Variants in CSMD3 observed in about 807,000 individuals in gnomAD.
CSMD3 encodes CUB and sushi domain-containing protein 3.
A neutral mutation model predicts 435.2 loss-of-function variants in CSMD3; 177 were observed. The observed-to-expected ratio is 0.41, with a 90% confidence interval of 0.36 to 0.46. The LOEUF is 0.46. CSMD3 is among the 20% of genes least tolerant of loss of function. The probability of loss-of-function intolerance (pLI) is 0.34; values close to 1 mark genes in which losing one functional copy is unlikely to be tolerated. For missense variants in CSMD3, 4,265 were observed against 4,504.6 expected (o/e 0.95, Z 1.52); for synonymous variants, 1,656 against 1,520.5 (o/e 1.09, Z -2.07).
intron 1 of CSMD3, among the ~76,000 whole-genome samples, chr8:113,417,909 AAAG>A (rs1221803459): frequency 6.6e-6 from 1 of 152,078 alleles, no homozygotes; most frequent in Non-Finnish European, 1.5e-5. Flanking sequence ...GGAGGATAAA[AAAG>A]AGATAAAATT....
intron 13 of CSMD3, among the ~76,000 whole-genome samples, chr8:112,750,541 A>G (rs2077544352): frequency 6.6e-6 from 1 of 152,072 alleles, no homozygotes; most frequent in African/African-American, 2.4e-5. Context: ...ATGATAGTAA[A>G]ATTTTTAACA....
intron 32 of CSMD3, among the ~76,000 whole-genome samples, chr8:112,410,067 G>T (rs1462669341): frequency 6.6e-6 from 1 of 151,742 alleles, no homozygotes; most frequent in Non-Finnish European, 1.5e-5. Context: ...TCAAATGAAG[G>T]CTATGGACAT....
intron 3 of CSMD3, among the ~76,000 whole-genome samples, chr8:113,265,218 G>T (rs1244565171): frequency 6.6e-6 from 1 of 151,530 alleles, no homozygotes; most frequent in Non-Finnish European, 1.5e-5. Flanking sequence ...TTTTTTGAAG[G>T]TAACCAAGGC....
intron 6 of CSMD3, among the ~76,000 whole-genome samples, chr8:112,991,885 C>A (rs759394201): frequency 2.6e-5 from 4 of 151,802 alleles, no homozygotes; most frequent in African/African-American, 4.8e-5. Context: ...AATCATTTTT[C>A]ACACCACCTC....
chr8:112,931,674 A>T (rs961625843), intron 9 of CSMD3, among the ~76,000 whole-genome samples: 1 of 152,142 alleles, frequency 6.6e-6, no homozygotes, highest in Non-Finnish European at 1.5e-5. Context: ...TGTTGAATAG[A>T]AGAAAATATT....
intron 11 of CSMD3, among the ~76,000 whole-genome samples, chr8:112,837,428 A>G (rs1293540722): frequency 6.6e-6 from 1 of 151,792 alleles, no homozygotes; most frequent in Non-Finnish European, 1.5e-5. Context: ...TCCACAGGAA[A>G]AGCCTGGGAT....
intron 11 of CSMD3, among the ~76,000 whole-genome samples, chr8:112,839,171 C>T (rs1283571692): frequency 4.0e-5 from 6 of 151,664 alleles, no homozygotes; most frequent in African/African-American, 1.5e-4. Flanking sequence ...CTTGCAAGGG[C>T]TCATATTTTA....
chr8:112,291,774 A>C (rs1819784977), intron 55 of CSMD3, 79 bp from the exon 56 acceptor site: 5 of 901,660 alleles, frequency 5.5e-6, no homozygotes, highest in Non-Finnish European at 8.7e-6. Context: ...AGAAATGTAC[A>C]TACTTAGTTT....
At chr8:112,944,723 T>C (rs777634095) in intron 9 of CSMD3, among the ~76,000 whole-genome samples, 25 of 151,526 alleles carry the variant, frequency 1.6e-4, no homozygotes, top group Admixed American at 6.0e-4. Context: ...CAACAGTCCC[T>C]GCTTGCCCTT....
intron 28 of CSMD3, among the ~76,000 whole-genome samples, chr8:112,508,615 G>A (rs7838822): frequency 0.31 from 46,988 of 151,622 alleles, 7,437 homozygotes; most frequent in East Asian, 0.47. Context: ...CTCTGACTTC[G>A]TACCTGGTTC....
In CSMD3 at chr8:112,224,925, G is replaced by T; in HGVS notation, c.10970C>A (p.Ala3657Glu). ...FGFYLYKQRT[A>E]PKTQYTGCSV... ...ACATCCTGTATACTGTGTTTTAGGT[G>T]CAGTCCTGTTGATGAGAACATTGAT... Residue 3657 changes from alanine (A) to glutamate (E), a missense_variant, in exon 71 of 71, where the codon GCA becomes GAA. By Grantham distance (107) the Ala-to-Glu change is moderately radical. Coordinates refer to ENST00000297405, the MANE Select transcript of CSMD3 (RefSeq NM_198123.2). 1.2e-6 allele frequency: 2 copies of T among 1,613,842 alleles called. No homozygotes were observed. Among genetic ancestry groups the T allele is most frequent in the Non-Finnish European group, 8.5e-7 (1 of 1,179,804 alleles).
rs762055310 is a variant in CSMD3, at chr8:112,313,911, T to C, written c.7691A>G (p.Tyr2564Cys). Residue 2564 changes from tyrosine (Y) to cysteine (C), a missense_variant, in exon 49 of 71, where the codon TAT becomes TGT. By Grantham distance (194) the Tyr-to-Cys change is radical. This residue lies in a region of CSMD3 where 3,255 missense variants were observed against 3,380.2 expected (regional missense o/e 0.96). Transcript: ENST00000297405. ...AAGTTATAAGTTTTACATACCTATA[T>C]ATCTTATCCGGAAGCCTTTTTTGTT... is the stretch of plus-strand genomic sequence containing the variant. ...GNNKKGFRIR[Y>C]IAFYCSTPES... is the part of the protein sequence containing the mutation. 3.7e-6 allele frequency: 6 copies of C among 1,609,732 alleles called. No homozygotes were observed. Among genetic ancestry groups the C allele is most frequent in the Non-Finnish European group, 5.1e-6 (6 of 1,176,396 alleles).
intron 13 of CSMD3, among the ~76,000 whole-genome samples, chr8:112,750,126 C>T (rs2077533691): frequency 1.3e-5 from 2 of 151,888 alleles, no homozygotes; most frequent in South Asian, 4.1e-4. Flanking sequence ...AAAAATAAAA[C>T]AAAATCCAAT....
chr8:113,376,776 CA>C, intron 1 of CSMD3: 9 of 1,613,900 alleles, frequency 5.6e-6, no homozygotes, highest in Non-Finnish European at 7.6e-6. Context: ...AGGTTTCCAG[CA>C]AAGGAACCAA....
rs1477910712 is a variant in CSMD3 at position 113,174,405 on chromosome 8, T to A, written c.515-489A>T. Among the ~76,000 whole-genome samples, 42 of 152,106 alleles carry A rather than the reference T, an allele frequency of 2.8e-4. 2 individuals are homozygous for A. The highest frequency in any genetic ancestry group is 2.9e-5 in the Non-Finnish European group (2 of 67,960). ...ATACAGTGGAGTAGTAAATGGACAA[T>A]TTTTAAAGTTAGGGACGGTGAGCTA... On this transcript the variant is annotated intron_variant, in intron 3 of 70. Coordinates refer to ENST00000297405, the MANE Select transcript of CSMD3 (RefSeq NM_198123.2).
chr8:113,244,761 G>T (rs2093258224), intron 3 of CSMD3, among the ~76,000 whole-genome samples: 1 of 152,084 alleles, frequency 6.6e-6, no homozygotes, highest in African/African-American at 2.4e-5. Context: ...ATCTGGACTG[G>T]TTTTTTTCTT....
At chr8:112,351,402 A>G (rs889168413) in intron 39 of CSMD3, among the ~76,000 whole-genome samples, 158 bp from the exon 40 acceptor site, 12 of 152,058 alleles carry the variant, frequency 7.9e-5, no homozygotes, top group Non-Finnish European at 1.8e-4. Context: ...TTAAAGTAAG[A>G]AAGGTGATTA....
At chr8:113,260,909 C>A (rs2093421578) in intron 3 of CSMD3, among the ~76,000 whole-genome samples, 1 of 152,062 alleles carries the variant, frequency 6.6e-6, no homozygotes. Context: ...TGAACTCATT[C>A]TTTTTTATGG....
In CSMD3 at chr8:113,018,851, T is replaced by C. The variant is rs1006840221; in HGVS notation, c.1030+216A>G. 5 of 548,230 alleles carry C rather than the reference T, an allele frequency of 9.1e-6. No homozygotes were observed. The East Asian group carries it at 1.5e-4, about 17-fold the overall frequency. The allele number at this position is 548,230 out of a possible 1,614,324, so 34.0% of individuals were successfully genotyped here. Reference sequence around the variant, plus strand: ...ACATACTACCTTTTAGAAATCATAATATTCATTATTCTGAATATTATACTA... The same window carrying C: ...ACATACTACCTTTTAGAAATCATAACATTCATTATTCTGAATATTATACTA... On this transcript the variant is annotated intron_variant, in intron 6 of 70. Coordinates refer to ENST00000297405, the MANE Select transcript of CSMD3 (RefSeq NM_198123.2).
Sources: allele counts gnomAD v4.1 joint callset (sites outside exome capture counted in the v4.1 genomes callset), GRCh38; gene constraint gnomAD v4.1.1; regional missense constraint gnomAD v4.1.1; transcripts MANE v1.5; gene names NCBI Gene and HGNC (gene_info 2026-07-23, HGNC 2026-07-21).